The following RBFOX1 variants were observed in gnomAD, a reference collection of about 807,000 sequenced individuals.
The protein encoded by RBFOX1 is RNA binding protein fox-1 homolog 1.
Under a neutral mutation model 57.7 loss-of-function variants are expected in RBFOX1, and 8 were observed. That is an observed-to-expected ratio of 0.14 (90% CI 0.08 to 0.25). The LOEUF (loss-of-function observed/expected upper bound fraction) is 0.25, where lower values mean the gene tolerates loss of function less well. Ranked by LOEUF, RBFOX1 falls within the 10% of genes least tolerant of loss-of-function variation. RBFOX1 has a pLI of 1.00. For missense variants in RBFOX1, 611 were observed against 548.5 expected, an observed-to-expected ratio of 1.11 and a Z score of -1.14; for synonymous variants, 326 against 222.4, an observed-to-expected ratio of 1.47 and a Z score of -4.15.
intron 1 of RBFOX1, among the ~76,000 whole-genome samples, chr16:5,348,096 A>C: frequency 8.1e-6 from 1 of 123,014 alleles, no homozygotes; most frequent in African/African-American, 3.3e-5. Flanking sequence ...CCCACTGTTC[A>C]CCCACCCACC....
At chr16:7,176,399 C>A (rs958841672) in intron 4 of RBFOX1, among the ~76,000 whole-genome samples, 4 of 151,954 alleles carry the variant, frequency 2.6e-5, no homozygotes, top group African/African-American at 9.7e-5. Flanking sequence ...AATTTGACCA[C>A]ACACAGTTAA....
At chr16:7,078,172 CGTTTTCCTG>C (rs1215502854) in intron 4 of RBFOX1, among the ~76,000 whole-genome samples, 2 of 152,102 alleles carry the variant, frequency 1.3e-5, no homozygotes, top group Non-Finnish European at 2.9e-5. Flanking sequence ...CAAAAGTCAT[CGTTTTCCTG>C]CAGAAGAAGG....
intron 11 of RBFOX1, among the ~76,000 whole-genome samples, chr16:7,652,114 G>GAAAC (rs1483731647): frequency 6.6e-6 from 1 of 152,104 alleles, no homozygotes; most frequent in Admixed American, 6.5e-5. Flanking sequence ...CACAGTTTGG[G>GAAAC]AAACATTGCC....
chr16:7,080,698 T>C (rs907054865), intron 4 of RBFOX1, among the ~76,000 whole-genome samples: 4 of 152,120 alleles, frequency 2.6e-5, no homozygotes, highest in Admixed American at 2.0e-4. Context: ...GAACCCTGGG[T>C]GTTAGGGTAT....
intron 14 of RBFOX1, among the ~76,000 whole-genome samples, chr16:7,679,941 G>A (rs955013075): frequency 1.3e-5 from 2 of 152,100 alleles, no homozygotes; most frequent in African/African-American, 4.8e-5. Context: ...GGAAACATTT[G>A]GCAAAGCACT....
At chr16:5,506,341 G>T (rs934271066) in intron 2 of RBFOX1, among the ~76,000 whole-genome samples, 1 of 152,150 alleles carries the variant, frequency 6.6e-6, no homozygotes, top group Non-Finnish European at 1.5e-5. Flanking sequence ...CTCCTCACAG[G>T]TCGTCCTCTG....
intron 3 of RBFOX1, among the ~76,000 whole-genome samples, chr16:6,984,315 C>T (rs145067882): frequency 6.6e-6 from 1 of 152,168 alleles, no homozygotes; most frequent in East Asian, 1.9e-4. Flanking sequence ...TTTGACCAGC[C>T]CTTTGATCTG....
chr16:7,185,706 G>T (rs1335211312), intron 4 of RBFOX1, among the ~76,000 whole-genome samples: 1 of 152,050 alleles, frequency 6.6e-6, no homozygotes, highest in Non-Finnish European at 1.5e-5. Flanking sequence ...ACTCTTTTTT[G>T]CTACCACTGA....
intron 1 of RBFOX1, among the ~76,000 whole-genome samples, chr16:5,280,198 A>G (rs1401053142): frequency 1.3e-5 from 2 of 152,190 alleles, no homozygotes; most frequent in Non-Finnish European, 2.9e-5. Context: ...ATGATCAGAT[A>G]GTTTTTGCCT....
intron 1 of RBFOX1, among the ~76,000 whole-genome samples, chr16:5,290,062 C>G (rs1334981532): frequency 6.6e-6 from 1 of 152,208 alleles, no homozygotes; most frequent in African/African-American, 2.4e-5. Context: ...GAAGTACTAA[C>G]ACGTGCTACA....
intron 1 of RBFOX1, among the ~76,000 whole-genome samples, chr16:5,285,614 G>T (rs1382551302): frequency 1.3e-5 from 2 of 152,182 alleles, no homozygotes; most frequent in South Asian, 2.1e-4. Flanking sequence ...ATAGGGGAAA[G>T]ACCTTTTCTT....
chr16:7,507,577 T>TG (rs1248982908), intron 4 of RBFOX1, among the ~76,000 whole-genome samples: 15 of 146,484 alleles, frequency 1.0e-4, no homozygotes, highest in African/African-American at 3.5e-4. Flanking sequence ...TTTTTTTTTT[T>TG]TTTTGAGACG....
chr16:6,014,194 A>G (rs1261623231), upstream of RBFOX1, among the ~76,000 whole-genome samples: 2 of 152,168 alleles, frequency 1.3e-5, no homozygotes, highest in East Asian at 1.9e-4. Flanking sequence ...CAAAGAGCTT[A>G]TATAGTAAAT....
intron 13 of RBFOX1, among the ~76,000 whole-genome samples, chr16:7,669,099 T>G (rs1568373154): frequency 6.6e-6 from 1 of 152,198 alleles, no homozygotes; most frequent in Non-Finnish European, 1.5e-5. Context: ...AGATGGGGTT[T>G]CGCCATGTTG....
chr16:6,770,516 A>C (rs928851854), intron 3 of RBFOX1, among the ~76,000 whole-genome samples: 3 of 152,186 alleles, frequency 2.0e-5, no homozygotes, highest in African/African-American at 7.2e-5. Flanking sequence ...CTGCAAGTCG[A>C]AAATATTTTC....
intron 4 of RBFOX1, among the ~76,000 whole-genome samples, chr16:7,440,592 T>G (rs1378185834): frequency 6.6e-6 from 1 of 152,172 alleles, no homozygotes; most frequent in African/African-American, 2.4e-5. Context: ...ATTTTCATAC[T>G]TTTAATCTGG....
intron 2 of RBFOX1, among the ~76,000 whole-genome samples, chr16:5,598,016 G>T (rs1164909919): frequency 6.6e-6 from 1 of 152,118 alleles, no homozygotes; most frequent in East Asian, 1.9e-4. Context: ...ATACACAGTG[G>T]CTGGGTGTGG....
chr16:6,700,216 T>A (rs2061618995), intron 3 of RBFOX1, among the ~76,000 whole-genome samples: 1 of 152,110 alleles, frequency 6.6e-6, no homozygotes. Context: ...ACGTGAGAAG[T>A]GTACCATGCA....
At chr16:7,581,632 G>C (rs1202244504) in intron 6 of RBFOX1, among the ~76,000 whole-genome samples, 1 of 152,144 alleles carries the variant, frequency 6.6e-6, no homozygotes, top group African/African-American at 2.4e-5. Context: ...TAGTCTTACA[G>C]AGGTAGGGTA....
Sources: allele counts gnomAD v4.1 joint callset (sites outside exome capture counted in the v4.1 genomes callset), GRCh38; gene constraint gnomAD v4.1.1; transcripts MANE v1.5; gene names NCBI Gene and HGNC (gene_info 2026-07-23, HGNC 2026-07-21).